GFRA1: variants seen among roughly 807,000 people sequenced by gnomAD.
GFRA1 encodes GDNF family receptor alpha 1, also known as GDNF family receptor alpha-1.
GFRA1 carries 16 observed loss-of-function variants against 51.6 expected under a neutral mutation model. The observed-to-expected ratio is 0.31, with a 90% confidence interval of 0.21 to 0.47. The LOEUF (loss-of-function observed/expected upper bound fraction) is 0.47. Ranked by LOEUF, GFRA1 falls within the 20% of genes least tolerant of loss-of-function variation. The pLI is 1.00. For synonymous variants in GFRA1, 270 were observed against 241.3 expected (o/e 1.12, Z -1.10); for missense variants, 530 against 594.3 (o/e 0.89, Z 1.13).
At chr10:116,098,025 T>C (rs3893581) in intron 6 of GFRA1, among the ~76,000 whole-genome samples, 14,693 of 152,246 alleles carry the variant, frequency 0.097, 1,951 homozygotes, top group African/African-American at 0.29. Flanking sequence ...AAGGCATGTT[T>C]GTGTGGGGTT....
chr10:116,087,785 A>T (rs1336803421), intron 9 of GFRA1, among the ~76,000 whole-genome samples: 1 of 152,158 alleles, frequency 6.6e-6, no homozygotes, highest in Non-Finnish European at 1.5e-5. Flanking sequence ...TGGAGATGGA[A>T]AAAAGACCCT....
intron 6 of GFRA1, among the ~76,000 whole-genome samples, chr10:116,116,968 A>C (rs1019410360): frequency 1.3e-5 from 2 of 152,240 alleles, no homozygotes; most frequent in Non-Finnish European, 1.5e-5. Flanking sequence ...CTGGAACTAA[A>C]GGTAGTAAAG....
intron 4 of GFRA1, among the ~76,000 whole-genome samples, chr10:116,215,231 GGACA>G (rs1397568529): frequency 6.6e-6 from 1 of 152,124 alleles, no homozygotes; most frequent in Non-Finnish European, 1.5e-5. Flanking sequence ...AATGATTCAT[GGACA>G]GACAAACGGG....
intron 6 of GFRA1, among the ~76,000 whole-genome samples, chr10:116,097,478 T>C (rs1956649447): frequency 6.6e-6 from 1 of 152,050 alleles, no homozygotes; most frequent in Non-Finnish European, 1.5e-5. Flanking sequence ...GCCGGTGCAG[T>C]CCACCCAGAA....
At chr10:116,271,379 G>A (rs1176293595) in intron 2 of GFRA1, among the ~76,000 whole-genome samples, 1 of 152,078 alleles carries the variant, frequency 6.6e-6, no homozygotes, top group Non-Finnish European at 1.5e-5. Flanking sequence ...TCCAGAGCCT[G>A]CGCTGCCCAC....
chr10:116,064,656 C>T, intron 10 of GFRA1, 112 bp from the exon 11 acceptor site: 1 of 958,000 alleles, frequency 1.0e-6, no homozygotes. Flanking sequence ...CTCACCAAAG[C>T]TGACCAAGAT....
chr10:116,154,559 A>C (rs1959168531), intron 5 of GFRA1, among the ~76,000 whole-genome samples: 1 of 152,198 alleles, frequency 6.6e-6, no homozygotes, highest in Non-Finnish European at 1.5e-5. Context: ...TTGTGGGGAA[A>C]GTGACTAGAA....
At chr10:116,174,977 C>T (rs552378252) in intron 5 of GFRA1, among the ~76,000 whole-genome samples, 2 of 152,282 alleles carry the variant, frequency 1.3e-5, no homozygotes, top group South Asian at 2.1e-4. Flanking sequence ...CCTGCAAATG[C>T]GCTGTCCTAA....
intron 5 of GFRA1, among the ~76,000 whole-genome samples, chr10:116,193,817 G>A (rs889103540): frequency 6.6e-6 from 1 of 151,892 alleles, no homozygotes; most frequent in Admixed American, 6.6e-5. Flanking sequence ...CAGCACTTTG[G>A]GAGGCCTAGG....
At chr10:116,211,593 C>T (rs763061378) in intron 5 of GFRA1, 38 bp downstream of exon 5, 85 of 1,536,380 alleles carry the variant, frequency 5.5e-5, no homozygotes, top group Middle Eastern at 3.3e-4. Flanking sequence ...CCAAAGAGCA[C>T]AGCCAGTGAA....
intron 6 of GFRA1, among the ~76,000 whole-genome samples, chr10:116,121,062 G>A (rs2134005974): frequency 6.6e-6 from 1 of 152,278 alleles, no homozygotes; most frequent in African/African-American, 2.4e-5. Flanking sequence ...TGGACCGCCT[G>A]GTAATGAAGA....
At position 116,267,055 on chromosome 10, in the gene GFRA1, C is replaced by T. The variant is rs191870660; in HGVS notation, c.418+2448G>A. Among the ~76,000 whole-genome samples the T allele has an allele frequency of 2.9e-4, 44 of 152,258 alleles. No individual in the cohort carries two copies. In the East Asian group the frequency reaches 5.0e-3, roughly 17 times the overall value. On this transcript the variant is annotated intron_variant, in intron 4 of 10. Coordinates refer to ENST00000355422, the MANE Select transcript of GFRA1 (RefSeq NM_005264.8). The stretch of plus-strand genomic sequence containing the variant: ...ACTCGGGAGACTAAGATAGGAGGAT[C>T]GCTTGAGCCCAGGAGTTTGGGGCAA...
intron 5 of GFRA1, among the ~76,000 whole-genome samples, chr10:116,149,509 G>T (rs1325501992): frequency 2.0e-5 from 3 of 152,180 alleles, no homozygotes; most frequent in Non-Finnish European, 4.4e-5. Context: ...GGAGGAAGAA[G>T]ATACATTCCC....
chr10:116,065,046 C>T (rs1263154474), intron 10 of GFRA1, among the ~76,000 whole-genome samples: 2 of 152,122 alleles, frequency 1.3e-5, no homozygotes, highest in African/African-American at 4.8e-5. Flanking sequence ...GCACAGCTGT[C>T]CTTCCCCAGG....
At chr10:116,177,882 T>A (rs940468615) in intron 5 of GFRA1, among the ~76,000 whole-genome samples, 5 of 152,200 alleles carry the variant, frequency 3.3e-5, no homozygotes, top group South Asian at 2.1e-4. Flanking sequence ...GCCATGAAAG[T>A]GTCCACCAGA....
intron 5 of GFRA1, among the ~76,000 whole-genome samples, chr10:116,134,033 C>T (rs574702986): frequency 4.3e-4 from 65 of 152,254 alleles, no homozygotes; most frequent in Admixed American, 2.2e-3. Context: ...CCAGTTGAAA[C>T]GATTCAGGAT....
intron 4 of GFRA1, among the ~76,000 whole-genome samples, chr10:116,258,071 G>GGC (rs1565685353): frequency 6.6e-6 from 1 of 152,060 alleles, no homozygotes. Context: ...CCCACCATAG[G>GGC]GCCGTATGTG....
At chr10:116,181,530 A>G (rs1962216339) in intron 5 of GFRA1, among the ~76,000 whole-genome samples, 1 of 152,168 alleles carries the variant, frequency 6.6e-6, no homozygotes, top group Non-Finnish European at 1.5e-5. Flanking sequence ...GGCCACAATA[A>G]TATCTCGATG....
intron 4 of GFRA1, among the ~76,000 whole-genome samples, chr10:116,217,108 C>A (rs770105403): frequency 5.3e-5 from 8 of 152,160 alleles, no homozygotes; most frequent in African/African-American, 7.2e-5. Context: ...CAGGGCAGTT[C>A]TGTTTTCAGT....
Sources: gnomAD v4.1 joint callset for allele counts (sites outside exome capture counted in the v4.1 genomes callset) on GRCh38, gnomAD v4.1.1 for gene constraint, MANE v1.5 for transcripts, NCBI Gene and HGNC (gene_info 2026-07-23, HGNC 2026-07-21) for gene names.